SLC18B1: variants seen among roughly 807,000 people sequenced by gnomAD.
SLC18B1 encodes the protein MFS-type transporter SLC18B1.
A neutral mutation model predicts 53.9 loss-of-function variants in SLC18B1; 62 were observed. The ratio of observed to expected loss-of-function variants is 1.15; its 90% confidence interval spans 0.94 to 1.42. The LOEUF (loss-of-function observed/expected upper bound fraction) is 1.42. Ranked by LOEUF, SLC18B1 falls within the 40% of genes most tolerant of loss-of-function variation. SLC18B1 has a pLI of 0.00. For synonymous variants in SLC18B1, 217 were observed against 200.9 expected, an observed-to-expected ratio of 1.08 and a Z score of -0.68; for missense variants, 598 against 547.3, an observed-to-expected ratio of 1.09 and a Z score of -0.93.
At chr6:132,781,667 G>T (rs1222827157) in intron 6 of SLC18B1, among the ~76,000 whole-genome samples, 1 of 151,584 alleles carries the variant, frequency 6.6e-6, no homozygotes, top group Admixed American at 6.6e-5. Flanking sequence ...TGAGGCAGGA[G>T]AATTGCTTGA....
chr6:132,774,281 G>A lies in SLC18B1; in HGVS notation c.930C>T (p.Asn310=). ...PLRKWLLVFG[N]LITAGCYMLL... The stretch of plus-strand genomic sequence containing the variant: ...GCATGTAGCACCCGGCTGTGATTAA[G>A]TTGCCAAACACCAGAAGCCATTTCC... The change falls in exon 9 of 14, where the codon AAC becomes AAT. Residue 310 remains asparagine (N), a synonymous_variant. Coordinates refer to ENST00000275227, the MANE Select transcript of SLC18B1 (RefSeq NM_052831.3). 1 of 1,613,540 alleles carries A rather than the reference G, an allele frequency of 6.2e-7. No homozygotes were observed. Among genetic ancestry groups the A allele is most frequent in the East Asian group, 2.2e-5 (1 of 44,858 alleles).
At chr6:132,789,554 C>T in intron 4 of SLC18B1, 1 of 466,928 alleles carries the variant, frequency 2.1e-6, no homozygotes, top group Non-Finnish European at 3.9e-6. Context: ...CAGTAGCAAG[C>T]ATCACGGAGA....
intron 9 of SLC18B1, among the ~76,000 whole-genome samples, chr6:132,773,313 T>G (rs962191311): frequency 6.6e-6 from 1 of 151,832 alleles, no homozygotes; most frequent in African/African-American, 2.4e-5. Flanking sequence ...CATCCTGATA[T>G]CTCCATCTCT....
intron 4 of SLC18B1, among the ~76,000 whole-genome samples, chr6:132,788,454 T>C (rs899209946): frequency 6.6e-6 from 1 of 152,178 alleles, no homozygotes; most frequent in African/African-American, 2.4e-5. Context: ...TGAGTCATAA[T>C]GACAGCTTAG....
chr6:132,797,623 C>CA (rs202142578), intron 1 of SLC18B1, among the ~76,000 whole-genome samples: 43 of 151,630 alleles, frequency 2.8e-4, no homozygotes, highest in Non-Finnish European at 5.5e-4. Flanking sequence ...AACAAACAAA[C>CA]AAAAACAAAA....
Position 132,773,311 on chromosome 6 carries a change from T to A in SLC18B1, c.990-223A>T, listed in dbSNP as rs550858889. Reference sequence around the variant, plus strand: ...GGGGGTGGGGGGGAATTCATCCTGATATCTCCATCTCTTTGGTCCTTTGGT... The same window carrying A: ...GGGGGTGGGGGGGAATTCATCCTGAAATCTCCATCTCTTTGGTCCTTTGGT... On this transcript the variant is annotated intron_variant, in intron 9 of 13. Transcript: ENST00000275227. Among the ~76,000 whole-genome samples, 28 of 151,470 alleles carry A rather than the reference T, an allele frequency of 1.8e-4. 1 individual carries two copies. The highest frequency in any genetic ancestry group is 1.8e-3 in the Admixed American group (28 of 15,232).
At chr6:132,785,277 T>TA (rs1041611557) in intron 5 of SLC18B1, among the ~76,000 whole-genome samples, 3 of 152,168 alleles carry the variant, frequency 2.0e-5, no homozygotes, top group Non-Finnish European at 4.4e-5. Context: ...GAGCAACTGT[T>TA]ATATGTAGAA....
chr6:132,795,040 T>C (rs1345775887), intron 2 of SLC18B1, among the ~76,000 whole-genome samples: 1 of 152,024 alleles, frequency 6.6e-6, no homozygotes, highest in African/African-American at 2.4e-5. Context: ...AGCCTGAAAG[T>C]TCCTTTCAGT....
intron 4 of SLC18B1, 43 bp from the exon 5 acceptor site, chr6:132,787,624 C>CT (rs5880140): frequency 0.16 from 176,403 of 1,118,228 alleles, 3,602 homozygotes; most frequent in African/African-American, 0.41. Context: ...AGCTGGTTTT[C>CT]TTTTTTTTTT....
rs1482057330 is a variant in SLC18B1, at chr6:132,792,282, AG to A, written c.184-2011del. ...AAGAAAGAAAGAAAGAAAGAAAGAAAGGAAGAAAGGAAGGAAGGAAGGAAGG... is the reference window on the plus strand; with the variant it reads ...AAGAAAGAAAGAAAGAAAGAAAGAAAGAAGAAAGGAAGGAAGGAAGGAAGG... On this transcript the variant is annotated intron_variant, in intron 2 of 13. Transcript: ENST00000275227. Among the ~76,000 whole-genome samples the A allele has an allele frequency of 1.3e-3, 80 of 59,648 alleles. 1 individual carries two copies. The highest frequency in any genetic ancestry group is 2.6e-3 in the South Asian group (4 of 1,566). 39.1% of individuals were successfully genotyped at this position (59,648 alleles called of 152,430 possible).
At chr6:132,798,389 T>C in intron 1 of SLC18B1, 25 bp downstream of exon 1, 1 of 1,517,814 alleles carries the variant, frequency 6.6e-7, no homozygotes, top group Non-Finnish European at 8.8e-7. Flanking sequence ...GTCTCCGGGC[T>C]CCCGGCCACG....
chr6:132,795,917 T>G (rs549480999), intron 2 of SLC18B1, among the ~76,000 whole-genome samples: 1 of 152,180 alleles, frequency 6.6e-6, no homozygotes, highest in African/African-American at 2.4e-5. Flanking sequence ...AGAGGGAATA[T>G]GGAGCGGGGC....
chr6:132,776,410 T>C lies in SLC18B1; in HGVS notation c.815A>G (p.Tyr272Cys). ...VLEKFNLPAG[Y>C]VGLVFLGMAL... is the part of the protein sequence containing the mutation. ...CATACCCAGGAATACTAGTCCCACA[T>C]ATCCAGCTGGTAAATTGAACTGTAA... The change falls in exon 8 of 14, where the codon TAT becomes TGT. Residue 272 changes from tyrosine (Y) to cysteine (C), a missense_variant. Transcript: ENST00000275227. The C allele has an allele frequency of 1.2e-6, 2 of 1,613,292 alleles. No individual in the cohort carries two copies.
At chr6:132,782,582 G>A (rs1279881418) in intron 6 of SLC18B1, among the ~76,000 whole-genome samples, 4 of 151,992 alleles carry the variant, frequency 2.6e-5, no homozygotes, top group Non-Finnish European at 5.9e-5. Context: ...AGCAGTACAG[G>A]AGAGGGGACT....
intron 10 of SLC18B1, among the ~76,000 whole-genome samples, chr6:132,772,690 A>T (rs780794799): frequency 1.1e-4 from 16 of 152,150 alleles, no homozygotes; most frequent in Non-Finnish European, 2.1e-4. Context: ...GACCTCCTCC[A>T]TGAAAGAGGA....
chr6:132,779,403 C>T lies in SLC18B1; in HGVS notation c.660G>A (p.Glu220=). The change falls in exon 7 of 14, where the codon GAG becomes GAA. Residue 220 remains glutamate, a splice_region_variant and synonymous_variant. Transcript: ENST00000275227. ...PLNMYILPNY[E]SDPGEHSFWK... The stretch of plus-strand genomic sequence containing the variant: ...AGAATGAGTGTTCACCTGGATCAGA[C>T]TCTTTAGGGAAAAAATGAAAAAAGA... The T allele has an allele frequency of 6.3e-7, 1 of 1,575,510 alleles. No homozygotes were observed. Among genetic ancestry groups the T allele is most frequent in the Admixed American group, 1.8e-5 (1 of 54,386 alleles).
At position 132,771,118 on chromosome 6, in the gene SLC18B1, C is replaced by T. The variant is rs1444744213; in HGVS notation, c.1172G>A (p.Gly391Glu). ...SAMWSIGAFM[G>E]PTLGGFLYEK... The stretch of plus-strand genomic sequence containing the variant: ...ATACAGAAATCCACCCAGCGTTGGT[C>T]CCATAAAAGCACTAACAATAGAAAG... Residue 391 changes from glycine to glutamate, a missense_variant, in exon 12 of 14, where the codon GGA (glycine) becomes GAA (glutamate). By Grantham distance (98) the Gly-to-Glu change is moderately conservative. Coordinates refer to ENST00000275227, the MANE Select transcript of SLC18B1 (RefSeq NM_052831.3). 1.2e-6 allele frequency: 2 copies of T among 1,613,828 alleles called. No homozygotes were observed. Among genetic ancestry groups the T allele is most frequent in the Admixed American group, 3.3e-5 (2 of 59,964 alleles).
At chr6:132,795,020 A>G (rs1781635941) in intron 2 of SLC18B1, among the ~76,000 whole-genome samples, 1 of 152,136 alleles carries the variant, frequency 6.6e-6, no homozygotes, top group Non-Finnish European at 1.5e-5. Flanking sequence ...AAAAGCCCCA[A>G]CTTAGATTTA....
At chr6:132,792,257 A>AGAGAG (rs1562271308) in intron 2 of SLC18B1, among the ~76,000 whole-genome samples, 118 of 33,274 alleles carry the variant, frequency 3.5e-3, no homozygotes, top group Non-Finnish European at 4.3e-3. Context: ...GAAAGAAAGA[A>AGAGAG]AGAAAGAAAG....
Sources: allele counts gnomAD v4.1 joint callset (sites outside exome capture counted in the v4.1 genomes callset), GRCh38; gene constraint gnomAD v4.1.1; transcripts MANE v1.5; gene names NCBI Gene and HGNC (gene_info 2026-07-23, HGNC 2026-07-21).